Variants in MTOR observed in about 807,000 individuals in gnomAD.
The protein encoded by MTOR is mechanistic target of rapamycin kinase.
MTOR carries 70 observed loss-of-function variants against 319.8 expected under a neutral mutation model. The ratio of observed to expected loss-of-function variants is 0.22; its 90% CI spans 0.18 to 0.27. The LOEUF is 0.27. MTOR is among the 10% of genes least tolerant of loss of function. The probability of loss-of-function intolerance (pLI) is 1.00; values close to 1 mark genes in which losing one functional copy is unlikely to be tolerated. For synonymous variants in MTOR, 1,183 were observed against 1,211.4 expected, an observed-to-expected ratio of 0.98 and a Z score of 0.49; for missense variants, 1,890 against 3,274.4, an observed-to-expected ratio of 0.58 and a Z score of 10.32.
chr1:11,185,848 G>A (rs1321708450), intron 28 of MTOR, among the ~76,000 whole-genome samples: 1 of 152,182 alleles, frequency 6.6e-6, no homozygotes, highest in Non-Finnish European at 1.5e-5. Context: ...TTGGGAGGCC[G>A]AGGCGGGTGG....
At position 11,199,028 on chromosome 1, in the gene MTOR, G is replaced by A. The variant is rs1487644002; in HGVS notation, c.4253+230C>T. Among the ~76,000 whole-genome samples, 1 of 152,152 alleles carries A rather than the reference G, an allele frequency of 6.6e-6. No homozygotes were observed. The highest frequency in any genetic ancestry group is 2.4e-5 in the African/African-American group (1 of 41,432). On this transcript the variant is annotated intron_variant, in intron 28 of 57. Transcript: ENST00000361445. The surrounding 1 kb of genome is among the most constrained non-coding windows in gnomAD (Gnocchi z 4.5). ...TCACTGGAACAAGAAAGGACAGGTT[G>A]GAAAACAACAGGAGCCCAGGTGATA...
At chr1:11,223,869 A>C (rs1204717749) in intron 19 of MTOR, among the ~76,000 whole-genome samples, 3 of 151,702 alleles carry the variant, frequency 2.0e-5, no homozygotes, top group Non-Finnish European at 4.4e-5. Context: ...GTGAAATCCT[A>C]TCTCTACTAA....
rs774636299 is a variant in MTOR at position 11,240,550 on chromosome 1, G to A, written c.1542-3C>T. The stretch of plus-strand genomic sequence containing the variant: ...AGAGCACTGCAGTGAGGGCAGGGCT[G>A]AGGGGAAGGAAACAAGTCACATAAG... On this transcript the variant is annotated splice_polypyrimidine_tract_variant and splice_region_variant and intron_variant, in intron 10 of 57. Coordinates refer to ENST00000361445, the MANE Select transcript of MTOR (RefSeq NM_004958.4). 35 of 1,613,078 alleles carry A rather than the reference G, an allele frequency of 2.2e-5. No individual in the cohort carries two copies. The highest frequency in any genetic ancestry group is 2.9e-5 in the Non-Finnish European group (34 of 1,179,450).
At chr1:11,239,619 C>T (rs1181534329) in intron 11 of MTOR, among the ~76,000 whole-genome samples, 4 of 152,100 alleles carry the variant, frequency 2.6e-5, no homozygotes, top group South Asian at 2.1e-4. Flanking sequence ...GAAATCATAC[C>T]GCCAGCCGGG....
chr1:11,208,275 T>G (rs1356987351), intron 25 of MTOR, among the ~76,000 whole-genome samples: 1 of 152,274 alleles, frequency 6.6e-6, no homozygotes, highest in Non-Finnish European at 1.5e-5. Flanking sequence ...AGGAATATTT[T>G]ACTACCTCCA....
chr1:11,107,438 G>T lies in MTOR; in HGVS notation c.*47C>A, dbSNP rs375362411. 1.3e-6 allele frequency: 2 copies of T among 1,598,516 alleles called. No individual in the cohort carries two copies. Among genetic ancestry groups the T allele is most frequent in the Non-Finnish European group, 1.7e-6 (2 of 1,176,376 alleles). On this transcript the variant is annotated 3_prime_UTR_variant, in exon 58 of 58. Transcript: ENST00000361445. ...CAGTTTAGTGGAAGCATTTACTAAAGTACAAAAGCCTCAGAAAAAACGTGA... is the reference window on the plus strand; with the variant it reads ...CAGTTTAGTGGAAGCATTTACTAAATTACAAAAGCCTCAGAAAAAACGTGA...
At position 11,130,642 on chromosome 1, in the gene MTOR, T is replaced by C; in HGVS notation, c.5500A>G (p.Thr1834Ala). Residue 1834 changes from threonine to alanine, a missense_variant, in exon 39 of 58, where the codon ACG becomes GCG. Thr to Ala is a moderately conservative substitution (Grantham distance 58, BLOSUM62 0). Around this residue, in one of 15 missense-constraint regions of MTOR, gnomAD observed 91 missense variants for 90.4 expected, o/e 1.01. Transcript: ENST00000361445. ...NITNATTAATTAATATTTAST... is the reference protein window; with the variant it reads ...NITNATTAATAAATATTTAST... ...GCAGTGGTGGTGGCAGTGGCGGCCG[T>C]GGTGGCGGCAGTGGTGGCGTTGGTG... 2 of 1,611,470 alleles carry C rather than the reference T, an allele frequency of 1.2e-6. No individual in the cohort carries two copies. Among genetic ancestry groups the C allele is most frequent in the Non-Finnish European group, 1.7e-6 (2 of 1,178,416 alleles).
chr1:11,243,375 T>TA (rs1308572137), intron 8 of MTOR, 75 bp from the exon 9 acceptor site: 11 of 1,371,614 alleles, frequency 8.0e-6, no homozygotes, highest in Non-Finnish European at 1.0e-5. Context: ...AAAGGTCCTA[T>TA]AAAGCAATTC....
At position 11,258,165 on chromosome 1, in the gene MTOR, T is replaced by G. The variant is rs555261272; in HGVS notation, c.271+320A>C. Reference sequence around the variant, plus strand: ...TATACCGATTCCACTTTTCCATTCGTGAGCCCCACTATGCGAAACCCTGCT... The same window carrying G: ...TATACCGATTCCACTTTTCCATTCGGGAGCCCCACTATGCGAAACCCTGCT... On this transcript the variant is annotated intron_variant, in intron 3 of 57. Transcript: ENST00000361445. Among the ~76,000 whole-genome samples, 7 of 151,322 alleles carry G rather than the reference T, an allele frequency of 4.6e-5. No homozygotes were observed. The South Asian group carries it at 1.5e-3, about 32-fold the overall frequency.
chr1:11,127,277 A>C lies in MTOR; in HGVS notation c.6217-133T>G. The C allele has an allele frequency of 7.8e-7, 1 of 1,274,652 alleles. No homozygotes were observed. Among genetic ancestry groups the C allele is most frequent in the African/African-American group, 1.5e-5 (1 of 67,440 alleles). The allele number at this position is 1,274,652 out of a possible 1,614,324, so 79.0% of individuals were successfully genotyped here. A position where few individuals can be genotyped will look rare whatever the true frequency, so the allele number is the denominator to read the frequency against. On this transcript the variant is annotated intron_variant, in intron 44 of 57. Transcript: ENST00000361445. The surrounding 1 kb of genome is among the most constrained non-coding windows in gnomAD (Gnocchi z 5.5). ...GAAAACACTGGCAGGGGGCTGGAGA[A>C]AGCAAGAGCATAGGTGCAGGCCTCC... is the stretch of plus-strand genomic sequence containing the variant.
At chr1:11,191,417 C>G (rs28990996) in intron 28 of MTOR, among the ~76,000 whole-genome samples, 2,133 of 152,280 alleles carry the variant, frequency 0.014, 64 homozygotes, top group Admixed American at 0.07. Flanking sequence ...CCTCAGACAA[C>G]TCCCATCTGC....
At chr1:11,166,859 T>C (rs997690416) in intron 29 of MTOR, among the ~76,000 whole-genome samples, 1 of 152,112 alleles carries the variant, frequency 6.6e-6, no homozygotes, top group East Asian at 1.9e-4. Flanking sequence ...TGTCCATCAA[T>C]GATAGACTGG....
intron 19 of MTOR, among the ~76,000 whole-genome samples, chr1:11,218,621 T>G (rs1297019303): frequency 6.6e-6 from 1 of 152,112 alleles, no homozygotes; most frequent in Non-Finnish European, 1.5e-5. Context: ...TTCCTGGTCC[T>G]TGGTGCCATT....
At chr1:11,220,002 C>T (rs186194071) in intron 19 of MTOR, among the ~76,000 whole-genome samples, 2 of 138,050 alleles carry the variant, frequency 1.4e-5, no homozygotes, top group East Asian at 2.2e-4. Flanking sequence ...CACTGCATTC[C>T]GGCCTGGCAG....
intron 19 of MTOR, chr1:11,226,413 T>C (rs1452417900): frequency 6.6e-6 from 1 of 152,180 alleles, no homozygotes; most frequent in Non-Finnish European, 1.5e-5. Context: ...ACAACAAATA[T>C]TATACTTCAT....
At chr1:11,195,048 T>C (rs746887202) in intron 28 of MTOR, 9 of 1,610,336 alleles carry the variant, frequency 5.6e-6, no homozygotes, top group Middle Eastern at 2.0e-4. Context: ...GGAGCACGGA[T>C]ACAGAAACTG....
intron 28 of MTOR, among the ~76,000 whole-genome samples, chr1:11,191,109 C>T (rs1035789102): frequency 2.6e-5 from 4 of 152,168 alleles, no homozygotes; most frequent in African/African-American, 7.2e-5. Flanking sequence ...GGAATCTGAC[C>T]GTGCCACTTC....
intron 28 of MTOR, among the ~76,000 whole-genome samples, chr1:11,174,651 G>A (rs1348861398): frequency 6.6e-6 from 1 of 152,192 alleles, no homozygotes; most frequent in African/African-American, 2.4e-5. Context: ...CTAATGAGAT[G>A]TGGTTTTTAT....
At chr1:11,233,586 TAAAG>T in intron 14 of MTOR, 99 bp from the exon 15 acceptor site, 2 of 896,024 alleles carry the variant, frequency 2.2e-6, no homozygotes, top group East Asian at 5.1e-5. Context: ...ATCTCAGTCA[TAAAG>T]AAATTCCTTC....
Sources: gnomAD v4.1 joint callset for allele counts (sites outside exome capture counted in the v4.1 genomes callset) on GRCh38, gnomAD v4.1.1 for gene constraint, gnomAD v4.1.1 regional missense constraint, Gnocchi (gnomAD v3.1) non-coding constraint, MANE v1.5 for transcripts, NCBI Gene and HGNC (gene_info 2026-07-23, HGNC 2026-07-21) for gene names.